ZNF680: variants seen among roughly 807,000 people sequenced by gnomAD.
ZNF680 encodes the protein zinc finger protein 680.
In ZNF680, 6 loss-of-function variants were observed where a neutral mutation model predicts 12.1. The observed-to-expected ratio is 0.49, with a 90% CI of 0.27 to 0.98. The LOEUF (loss-of-function observed/expected upper bound fraction) is 0.98. ZNF680 is among the 50% of genes least tolerant of loss of function. The pLI is 0.12. For synonymous variants in ZNF680, 170 were observed against 199.3 expected (o/e 0.85, Z 1.24); for missense variants, 561 against 616.3 (o/e 0.91, Z 0.95).
chr7:64,526,658 CATA>C (rs1791864219), intron 3 of ZNF680: 1 of 315,436 alleles, frequency 3.2e-6, no homozygotes, highest in Non-Finnish European at 5.7e-6. Flanking sequence ...TCTTTACTCT[CATA>C]ATGATGGAGC....
At chr7:64,501,281 T>G in the ZNF680 span, 1 of 1,003,078 alleles carries the variant, frequency 1.0e-6, no homozygotes. Flanking sequence ...TAGGCTGTAG[T>G]GCCCTCGAAA....
chr7:64,544,008 A>C, intron 2 of ZNF680: 2 of 598,470 alleles, frequency 3.3e-6, no homozygotes, highest in Non-Finnish European at 2.7e-6. Context: ...TGAATCAAAA[A>C]TTGGTGGGGG....
intron 3 of ZNF680, chr7:64,526,303 T>C: frequency 1.7e-6 from 2 of 1,170,150 alleles, no homozygotes; most frequent in Non-Finnish European, 2.1e-6. Flanking sequence ...GATTCAAGAT[T>C]AGTGTACTTT....
chr7:64,547,898 C>T (rs545299088), intron 1 of ZNF680, among the ~76,000 whole-genome samples: 4 of 152,188 alleles, frequency 2.6e-5, no homozygotes, highest in Middle Eastern at 3.4e-3. Flanking sequence ...GAATTATGGG[C>T]ACCAGTTCTA....
the ZNF680 span, among the ~76,000 whole-genome samples, chr7:64,503,033 T>C: frequency 1.8e-4 from 28 of 152,158 alleles, no homozygotes; most frequent in African/African-American, 6.8e-4. Context: ...CCTGTATGAC[T>C]CTTCTTTCCA....
the ZNF680 span, chr7:64,500,920 T>C: frequency 4.9e-6 from 3 of 613,956 alleles, no homozygotes; most frequent in Non-Finnish European, 9.5e-6. Flanking sequence ...AGAAGTGTGA[T>C]GTGGAGGCAA....
chr7:64,530,488 C>T (rs1193930061), intron 3 of ZNF680, among the ~76,000 whole-genome samples: 3 of 152,124 alleles, frequency 2.0e-5, no homozygotes, highest in Admixed American at 1.3e-4. Context: ...TGCAAATGGA[C>T]ACCAAAAGTG....
chr7:64,517,037 T>TCA (rs1213243129), downstream of ZNF680, among the ~76,000 whole-genome samples: 1 of 151,668 alleles, frequency 6.6e-6, no homozygotes, highest in Admixed American at 6.6e-5. Flanking sequence ...TATACTAAGG[T>TCA]CACACCTCAA....
At chr7:64,542,013 T>C (rs558198041) in intron 3 of ZNF680, among the ~76,000 whole-genome samples, 1 of 152,330 alleles carries the variant, frequency 6.6e-6, no homozygotes, top group Non-Finnish European at 1.5e-5. Flanking sequence ...CCACCATATA[T>C]AGACCCAATT....
chr7:64,542,133 T>G (rs973888960), intron 3 of ZNF680, among the ~76,000 whole-genome samples: 1 of 152,100 alleles, frequency 6.6e-6, no homozygotes, highest in East Asian at 1.9e-4. Context: ...TTAAGCCAAC[T>G]AAAGGTGAGC....
chr7:64,522,704 C>T (rs182979011), intron 3 of ZNF680, among the ~76,000 whole-genome samples: 22 of 149,490 alleles, frequency 1.5e-4, no homozygotes, highest in Admixed American at 1.4e-3. Context: ...ATATTTATAA[C>T]AAACACATAT....
the ZNF680 span, among the ~76,000 whole-genome samples, chr7:64,505,394 TTA>T: frequency 6.6e-6 from 1 of 152,246 alleles, no homozygotes; most frequent in Non-Finnish European, 1.5e-5. Flanking sequence ...AATAAATTTA[TTA>T]TGTCTTCAAG....
At chr7:64,561,467 T>G (rs1787729026) in intron 1 of ZNF680, among the ~76,000 whole-genome samples, 1 of 152,164 alleles carries the variant, frequency 6.6e-6, no homozygotes, top group Admixed American at 6.5e-5. Flanking sequence ...TGATAAGATC[T>G]CTGTGCCTAT....
At chr7:64,541,855 T>C (rs1227834740) in intron 3 of ZNF680, among the ~76,000 whole-genome samples, 4 of 152,248 alleles carry the variant, frequency 2.6e-5, no homozygotes, top group South Asian at 4.1e-4. Flanking sequence ...TTTACTGTGG[T>C]TTCTGAAGCA....
intron 3 of ZNF680, among the ~76,000 whole-genome samples, chr7:64,533,485 A>T (rs1219901496): frequency 6.6e-6 from 1 of 152,202 alleles, no homozygotes; most frequent in African/African-American, 2.4e-5. Flanking sequence ...CTACAAGGAA[A>T]ACTACAAAAC....
rs369510048 is a variant in ZNF680 at position 64,552,581 on chromosome 7, A to T, written c.31-8149T>A. Among the ~76,000 whole-genome samples, 104 of 152,290 alleles carry T rather than the reference A, an allele frequency of 6.8e-4. No individual in the cohort carries two copies. In the Middle Eastern group the frequency reaches 0.017, roughly 25 times the overall value. ...CCAGATAAGGTAATAAGTATGTAAG[A>T]CTAGTATCTACTGTAACAATTTGGT... On this transcript the variant is annotated intron_variant, in intron 1 of 3. Transcript: ENST00000309683.
chr7:64,539,464 AT>A (rs1786383736), intron 3 of ZNF680, among the ~76,000 whole-genome samples: 1 of 151,458 alleles, frequency 6.6e-6, no homozygotes, highest in African/African-American at 2.4e-5. Flanking sequence ...GTACTGTATG[AT>A]TCCACTTATG....
rs935669424 is a variant in ZNF680, at chr7:64,522,795, T to C, written c.254-295A>G. Among the ~76,000 whole-genome samples the C allele has an allele frequency of 3.9e-5, 6 of 152,032 alleles. No individual in the cohort carries two copies. In the East Asian group the frequency reaches 1.2e-3, roughly 29 times the overall value. ...AAAAATGATATGTCATTTACAAGCATAGTCTTTTTAAATAACCAGTGAATT... is the reference window on the plus strand; with the variant it reads ...AAAAATGATATGTCATTTACAAGCACAGTCTTTTTAAATAACCAGTGAATT... On this transcript the variant is annotated intron_variant, in intron 3 of 3. Transcript: ENST00000309683.
At chr7:64,544,712 CAT>C (rs1243380072) in intron 1 of ZNF680, among the ~76,000 whole-genome samples, 4 of 152,054 alleles carry the variant, frequency 2.6e-5, no homozygotes, top group Admixed American at 6.6e-5. Flanking sequence ...TGAATACAAA[CAT>C]GTAAATTTTT....
Sources: allele counts gnomAD v4.1 joint callset (sites outside exome capture counted in the v4.1 genomes callset), GRCh38; gene constraint gnomAD v4.1.1; transcripts MANE v1.5; gene names NCBI Gene and HGNC (gene_info 2026-07-23, HGNC 2026-07-21).